The following ETV6 variants were observed in gnomAD, a reference collection of about 807,000 sequenced individuals.
The protein encoded by ETV6 is transcription factor ETV6.
Under a neutral mutation model 51.1 loss-of-function variants are expected in ETV6, and 16 were observed. That is an observed-to-expected ratio of 0.31 (90% CI 0.21 to 0.48). The LOEUF is 0.48. Among genes scored for constraint, ETV6 ranks in the 20% least tolerant of loss-of-function variants. ETV6 has a pLI of 0.99. For synonymous variants in ETV6, 240 were observed against 224.1 expected (o/e 1.07, Z -0.64); for missense variants, 458 against 594.8 (o/e 0.77, Z 2.39).
rs192055868 is a variant in ETV6 at position 11,730,253 on chromosome 12, T to C, written c.34-22197T>C. Among the ~76,000 whole-genome samples, 5 of 152,352 alleles carry C rather than the reference T, an allele frequency of 3.3e-5. No individual in the cohort carries two copies. The East Asian group carries it at 9.6e-4, about 29-fold the overall frequency. On this transcript the variant is annotated intron_variant, in intron 1 of 7. Coordinates refer to ENST00000396373, the MANE Select transcript of ETV6 (RefSeq NM_001987.5). The stretch of plus-strand genomic sequence containing the variant: ...AAGCCCACGGTCTAGGCAGCCTTTG[T>C]AGGCCTCTGGGATTGTGGTGAGAAA...
intron 1 of ETV6, among the ~76,000 whole-genome samples, chr12:11,715,026 A>G (rs577329805): frequency 7.6e-4 from 116 of 152,278 alleles, no homozygotes; most frequent in African/African-American, 2.6e-3. Context: ...GAGCCGTGGC[A>G]GGGGCAATAG....
At chr12:11,712,084 G>A (rs1008585359) in intron 1 of ETV6, among the ~76,000 whole-genome samples, 7 of 152,108 alleles carry the variant, frequency 4.6e-5, no homozygotes, top group African/African-American at 1.7e-4. Flanking sequence ...AAAGCGTTCT[G>A]TTTAATCCTC....
At chr12:11,795,620 C>G (rs1439861982) in intron 2 of ETV6, among the ~76,000 whole-genome samples, 1 of 152,234 alleles carries the variant, frequency 6.6e-6, no homozygotes, top group African/African-American at 2.4e-5. Flanking sequence ...CTGTCCACAT[C>G]GATTTCACCA....
Position 11,894,616 on chromosome 12 carries a change from T to C in ETV6, c.*3570T>C, listed in dbSNP as rs547044720. 4.3e-6 allele frequency: 1 copy of C among 233,278 alleles called. No homozygotes were observed. Among genetic ancestry groups the C allele is most frequent in the East Asian group, 6.0e-5 (1 of 16,580 alleles). The allele number at this position is 233,278 out of a possible 1,614,324, so 14.5% of individuals were successfully genotyped here. A position where few individuals can be genotyped will look rare whatever the true frequency, so the allele number is the denominator to read the frequency against. On this transcript the variant is annotated 3_prime_UTR_variant, in exon 8 of 8. Transcript: ENST00000396373. ...TCTTGTCCAAATGAGAATGTCGCTT[T>C]AGCTGAAATTCAAATGGCTGTGACA...
chr12:11,683,742 G>C (rs1864576527), intron 1 of ETV6, among the ~76,000 whole-genome samples: 1 of 152,036 alleles, frequency 6.6e-6, no homozygotes, highest in Admixed American at 6.5e-5. Context: ...TTGTTTTCCT[G>C]GAAATGTCAC....
intron 2 of ETV6, among the ~76,000 whole-genome samples, chr12:11,816,596 T>C (rs935952185): frequency 1.3e-5 from 2 of 152,238 alleles, no homozygotes; most frequent in South Asian, 2.1e-4. Flanking sequence ...CTCAGCTCTC[T>C]GATCCTTTTA....
chr12:11,668,719 T>C (rs1864246083), intron 1 of ETV6, among the ~76,000 whole-genome samples: 1 of 152,230 alleles, frequency 6.6e-6, no homozygotes, highest in African/African-American at 2.4e-5. Context: ...TGATCACAAG[T>C]TGAGATCAGG....
At chr12:11,654,378 T>G (rs1863960928) in intron 1 of ETV6, among the ~76,000 whole-genome samples, 1 of 152,176 alleles carries the variant, frequency 6.6e-6, no homozygotes, top group African/African-American at 2.4e-5. Flanking sequence ...CTAAGGGGTT[T>G]GCTTCAACCC....
rs149281987 is a variant in ETV6 at position 11,751,188 on chromosome 12, T to C, written c.34-1262T>C. Reference sequence around the variant, plus strand: ...CACAACTGCCAGACTTTCTAGGCTATGAGCAGAGGAGAAGCTTTAATTTGG... The same window carrying C: ...CACAACTGCCAGACTTTCTAGGCTACGAGCAGAGGAGAAGCTTTAATTTGG... On this transcript the variant is annotated intron_variant, in intron 1 of 7. Transcript: ENST00000396373. 4.6e-5 allele frequency among the ~76,000 whole-genome samples: 7 copies of C among 152,362 alleles called. No homozygotes were observed. In the East Asian group the frequency reaches 1.3e-3, roughly 29 times the overall value.
intron 2 of ETV6, among the ~76,000 whole-genome samples, chr12:11,763,028 G>A (rs1302687454): frequency 6.6e-6 from 1 of 151,802 alleles, no homozygotes; most frequent in African/African-American, 2.4e-5. Context: ...ACCCTAAGGT[G>A]GTGCAGGTTC....
intron 1 of ETV6, among the ~76,000 whole-genome samples, chr12:11,726,671 G>C (rs1251352469): frequency 6.6e-6 from 1 of 151,558 alleles, no homozygotes; most frequent in African/African-American, 2.4e-5. Context: ...TTGGGAGGCT[G>C]AGGTGGGAGG....
Position 11,650,094 on chromosome 12 carries a change from C to T in ETV6, c.-34C>T. The stretch of plus-strand genomic sequence containing the variant: ...GGAGAGGAAAGGAAAGTGGAAAAAA[C>T]CTGAGAACTTCCTGATCTCTCTCGC... On this transcript the variant is annotated 5_prime_UTR_variant, in exon 1 of 8. Coordinates refer to ENST00000396373, the MANE Select transcript of ETV6 (RefSeq NM_001987.5). The T allele has an allele frequency of 1.2e-6, 2 of 1,610,524 alleles. No individual in the cohort carries two copies. The highest frequency in any genetic ancestry group is 3.3e-4 in the Middle Eastern group (2 of 6,048).
At chr12:11,839,061 A>T (rs1264319656) in intron 2 of ETV6, 79 bp from the exon 3 acceptor site, 13 of 1,448,106 alleles carry the variant, frequency 9.0e-6, no homozygotes, top group Non-Finnish European at 1.2e-5. Flanking sequence ...AACTATTCAG[A>T]GACCTTCTCC....
At chr12:11,650,523 C>A (rs987751783) in intron 1 of ETV6, among the ~76,000 whole-genome samples, 1 of 139,024 alleles carries the variant, frequency 7.2e-6, no homozygotes, top group Non-Finnish European at 1.6e-5. Context: ...AAACCTGCTC[C>A]CTATTCCTAC....
At chr12:11,708,686 A>G (rs1211029352) in intron 1 of ETV6, among the ~76,000 whole-genome samples, 1 of 152,222 alleles carries the variant, frequency 6.6e-6, no homozygotes, top group African/African-American at 2.4e-5. Flanking sequence ...TGACCTCTCA[A>G]GTCAACTTTT....
At chr12:11,659,798 G>T (rs757115762) in intron 1 of ETV6, among the ~76,000 whole-genome samples, 1 of 152,164 alleles carries the variant, frequency 6.6e-6, no homozygotes, top group African/African-American at 2.4e-5. Flanking sequence ...GTGAATCTGG[G>T]TTGTGGCAGG....
intron 3 of ETV6, among the ~76,000 whole-genome samples, chr12:11,851,982 TA>T (rs1216726304): frequency 6.6e-6 from 1 of 152,194 alleles, no homozygotes; most frequent in Non-Finnish European, 1.5e-5. Flanking sequence ...AGTTGGTAAT[TA>T]AAATGTTTGT....
At chr12:11,884,337 C>A in intron 5 of ETV6, 108 bp from the exon 6 acceptor site, 1 of 1,241,538 alleles carries the variant, frequency 8.1e-7, no homozygotes, top group Non-Finnish European at 1.1e-6. Context: ...GACAATCAGT[C>A]AACCCAAGCT....
chr12:11,869,984 C>T lies in ETV6; in HGVS notation c.1009+15C>T, dbSNP rs1341832024. ...GAGAATAGCAGGTGAGTGAGTTCCC[C>T]TCTCGCCGCTCCAGCATCATGGGGA... On this transcript the variant is annotated intron_variant, in intron 5 of 7. Coordinates refer to ENST00000396373, the MANE Select transcript of ETV6 (RefSeq NM_001987.5). This position sits in a 1 kb window ranked among gnomAD's most constrained non-coding sequence, Gnocchi z 5.0. The T allele has an allele frequency of 1.3e-6, 2 of 1,583,054 alleles. No homozygotes were observed. Among genetic ancestry groups the T allele is most frequent in the Non-Finnish European group, 1.7e-6 (2 of 1,170,014 alleles).
Sources: allele counts gnomAD v4.1 joint callset (sites outside exome capture counted in the v4.1 genomes callset), GRCh38; gene constraint gnomAD v4.1.1; non-coding constraint Gnocchi (gnomAD v3.1); transcripts MANE v1.5; gene names NCBI Gene and HGNC (gene_info 2026-07-23, HGNC 2026-07-21).